The following TAFA4 variants were observed in gnomAD, a reference collection of about 807,000 sequenced individuals.
TAFA4 encodes the protein chemokine-like protein TAFA-4.
TAFA4 carries 20 observed loss-of-function variants against 21.1 expected under a neutral mutation model. The ratio of observed to expected loss-of-function variants is 0.95; its 90% CI spans 0.67 to 1.38. TAFA4 has a LOEUF of 1.38. Ranked by LOEUF, TAFA4 falls within the 40% of genes most tolerant of loss-of-function variation. The pLI is 0.00. For missense variants in TAFA4, 211 were observed against 180.9 expected, an observed-to-expected ratio of 1.17 and a Z score of -0.95; for synonymous variants, 71 against 67.4, an observed-to-expected ratio of 1.05 and a Z score of -0.26.
intron 3 of TAFA4, among the ~76,000 whole-genome samples, chr3:68,876,088 A>G (rs560247294): frequency 6.6e-6 from 1 of 152,338 alleles, no homozygotes; most frequent in African/African-American, 2.4e-5. Flanking sequence ...TTATTAGTTC[A>G]TGGGACTTAT....
intron 1 of TAFA4, among the ~76,000 whole-genome samples, chr3:68,928,482 G>A (rs2090129726): frequency 6.6e-6 from 1 of 152,148 alleles, no homozygotes; most frequent in South Asian, 2.1e-4. Context: ...ATCTTAAACT[G>A]CCTGACCATC....
At chr3:68,758,748 C>G (rs1702706493) in intron 3 of TAFA4, among the ~76,000 whole-genome samples, 1 of 152,182 alleles carries the variant, frequency 6.6e-6, no homozygotes, top group Non-Finnish European at 1.5e-5. Context: ...TAAAGGTGCT[C>G]AAAGCCTGAT....
intron 3 of TAFA4, among the ~76,000 whole-genome samples, chr3:68,796,669 A>G (rs902055586): frequency 1.3e-5 from 2 of 152,208 alleles, no homozygotes; most frequent in African/African-American, 4.8e-5. Flanking sequence ...CCATGCATCA[A>G]AAGACATAAC....
intron 3 of TAFA4, among the ~76,000 whole-genome samples, chr3:68,810,860 G>T (rs1054506168): frequency 6.6e-6 from 1 of 152,184 alleles, no homozygotes; most frequent in Admixed American, 6.5e-5. Flanking sequence ...ATCTGAGAAC[G>T]GACAGACTGC....
At chr3:68,842,595 G>A (rs996234535) in intron 3 of TAFA4, among the ~76,000 whole-genome samples, 11 of 152,144 alleles carry the variant, frequency 7.2e-5, no homozygotes, top group Middle Eastern at 3.2e-3. Context: ...TGCTTTTGGT[G>A]TTTTAGCCAT....
At chr3:68,848,492 A>T (rs1481593843) in intron 3 of TAFA4, among the ~76,000 whole-genome samples, 1 of 152,198 alleles carries the variant, frequency 6.6e-6, no homozygotes, top group Non-Finnish European at 1.5e-5. Context: ...TCTTAAATCA[A>T]TATAGTAAAA....
intron 3 of TAFA4, among the ~76,000 whole-genome samples, chr3:68,870,316 A>C (rs1043441956): frequency 1.3e-5 from 2 of 152,122 alleles, no homozygotes; most frequent in Admixed American, 1.3e-4. Context: ...ATCAAAAACC[A>C]GTAACATTCT....
At chr3:68,756,003 G>A (rs901335152) in intron 3 of TAFA4, among the ~76,000 whole-genome samples, 1 of 152,164 alleles carries the variant, frequency 6.6e-6, no homozygotes, top group African/African-American at 2.4e-5. Flanking sequence ...TTGGTCACAT[G>A]GATAAGTGTG....
chr3:68,745,063 C>T (rs1400213678), intron 4 of TAFA4, among the ~76,000 whole-genome samples: 2 of 152,118 alleles, frequency 1.3e-5, no homozygotes, highest in African/African-American at 4.8e-5. Flanking sequence ...AAATGACAGA[C>T]GTAGAAGGAA....
At chr3:68,780,734 C>T (rs756254288) in intron 3 of TAFA4, among the ~76,000 whole-genome samples, 3 of 152,122 alleles carry the variant, frequency 2.0e-5, no homozygotes, top group Non-Finnish European at 4.4e-5. Flanking sequence ...TGAAAACAGA[C>T]TAATACAGAG....
chr3:68,755,459 G>A (rs539903017), intron 3 of TAFA4, among the ~76,000 whole-genome samples: 1 of 152,274 alleles, frequency 6.6e-6, no homozygotes, highest in Non-Finnish European at 1.5e-5. Context: ...TCAGTTCTAG[G>A]AAAGGGTGCA....
intron 3 of TAFA4, among the ~76,000 whole-genome samples, chr3:68,834,693 G>C (rs571734854): frequency 6.6e-6 from 1 of 152,112 alleles, no homozygotes; most frequent in African/African-American, 2.4e-5. Flanking sequence ...CTTTCTGGTT[G>C]CTCAAGCCAA....
intron 4 of TAFA4, among the ~76,000 whole-genome samples, chr3:68,745,814 TTC>T (rs1005953741): frequency 6.6e-6 from 1 of 152,234 alleles, no homozygotes; most frequent in Non-Finnish European, 1.5e-5. Flanking sequence ...ATGAGTTGGA[TTC>T]TTACTTGCTG....
intron 5 of TAFA4, among the ~76,000 whole-genome samples, chr3:68,736,956 C>T (rs1227263297): frequency 1.3e-5 from 2 of 152,076 alleles, no homozygotes; most frequent in East Asian, 3.9e-4. Context: ...AATGAAATGT[C>T]ACTACCATTG....
chr3:68,824,288 C>G (rs1704177755), intron 3 of TAFA4, among the ~76,000 whole-genome samples: 1 of 152,202 alleles, frequency 6.6e-6, no homozygotes, highest in African/African-American at 2.4e-5. Context: ...TTTAACTGGG[C>G]TAACCTCAAG....
chr3:68,771,298 G>T (rs900945313), intron 3 of TAFA4, among the ~76,000 whole-genome samples: 1 of 152,236 alleles, frequency 6.6e-6, no homozygotes, highest in African/African-American at 2.4e-5. Context: ...AACACAAGCT[G>T]CCTGCAGACA....
intron 3 of TAFA4, among the ~76,000 whole-genome samples, chr3:68,791,973 G>T (rs942662093): frequency 2.0e-5 from 3 of 152,176 alleles, no homozygotes; most frequent in African/African-American, 7.2e-5. Context: ...CCCTAAGGCA[G>T]AGATTTAGAT....
At chr3:68,864,567 T>C (rs1345422449) in intron 3 of TAFA4, among the ~76,000 whole-genome samples, 1 of 152,126 alleles carries the variant, frequency 6.6e-6, no homozygotes, top group Non-Finnish European at 1.5e-5. Context: ...ACCTACCATA[T>C]GAACCAGCCA....
intron 5 of TAFA4, among the ~76,000 whole-genome samples, chr3:68,738,425 C>G (rs1702283405): frequency 6.6e-6 from 1 of 152,050 alleles, no homozygotes; most frequent in African/African-American, 2.4e-5. Flanking sequence ...AGGGACCAGA[C>G]TGGAAGGCAG....
Sources: allele counts gnomAD v4.1 joint callset (sites outside exome capture counted in the v4.1 genomes callset), GRCh38; gene constraint gnomAD v4.1.1; transcripts MANE v1.5; gene names NCBI Gene and HGNC (gene_info 2026-07-23, HGNC 2026-07-21).